The following ARRDC2 variants were observed in gnomAD, a reference collection of about 807,000 sequenced individuals.
The protein encoded by ARRDC2 is arrestin domain containing 2, also known as arrestin domain-containing protein 2.
Under a neutral mutation model 38.9 loss-of-function variants are expected in ARRDC2, and 39 were observed. That is an observed-to-expected ratio of 1.00 (90% CI 0.78 to 1.31). ARRDC2 has a LOEUF of 1.31. Among genes scored for constraint, ARRDC2 ranks in the 50% most tolerant of loss-of-function variants. ARRDC2 has a pLI of 0.00. For synonymous variants in ARRDC2, 300 were observed against 261.9 expected, an observed-to-expected ratio of 1.15 and a Z score of -1.41; for missense variants, 553 against 588.4, an observed-to-expected ratio of 0.94 and a Z score of 0.62.
chr19:18,008,126 C>CCCCCCCCCCCCCCCCAAAAAAAA, upstream of ARRDC2: 1 of 907,748 alleles, frequency 1.1e-6, no homozygotes, highest in Non-Finnish European at 1.5e-6. Context: ...ACCCCACCCC[C>CCCCCCCCCCCCCCCCAAAAAAAA]CCCCGCCCTG....
upstream of ARRDC2, chr19:18,008,116 A>ACCCC (rs543143665): frequency 2.9e-4 from 152 of 523,176 alleles, 1 homozygote; most frequent in Middle Eastern, 1.4e-3. Context: ...AGAGACGGTG[A>ACCCC]CCCCACCCCC....
upstream of ARRDC2, among the ~76,000 whole-genome samples, chr19:18,005,244 C>T (rs901233624): frequency 6.6e-6 from 1 of 151,972 alleles, no homozygotes; most frequent in African/African-American, 2.4e-5. Flanking sequence ...CATCTTGCAC[C>T]ACCCTTAATC....
At chr19:18,011,952 A>ATATATATTT (rs1408676551) in intron 7 of ARRDC2, among the ~76,000 whole-genome samples, 1 of 100,754 alleles carries the variant, frequency 9.9e-6, no homozygotes, top group Non-Finnish European at 1.8e-5. Flanking sequence ...ATATATATAT[A>ATATATATTT]TTTTTTTTTT....
At position 18,013,670 on chromosome 19, in the gene ARRDC2, AT is replaced by A. The variant is rs1258769051; in HGVS notation, c.*706del. The A allele has an allele frequency of 1.3e-5, 2 of 152,212 alleles. No homozygotes were observed. The highest frequency in any genetic ancestry group is 2.9e-5 in the Non-Finnish European group (2 of 68,082). The allele number at this position is 152,212 out of a possible 1,614,324, so 9.4% of individuals were successfully genotyped here. A position where few individuals can be genotyped will look rare whatever the true frequency, so the allele number is the denominator to read the frequency against. On this transcript the variant is annotated 3_prime_UTR_variant, in exon 8 of 8. Coordinates refer to ENST00000222250, the MANE Select transcript of ARRDC2 (RefSeq NM_015683.2). Reference sequence around the variant, plus strand: ...CCTTTGAAGACTTTGAAAGCCAGAGATTCCTGGCGCAGGCTTGGACTTCCTG... The same window carrying A: ...CCTTTGAAGACTTTGAAAGCCAGAGATCCTGGCGCAGGCTTGGACTTCCTG...
At chr19:18,002,742 C>G (rs550016205) in intron 1 of ARRDC2, among the ~76,000 whole-genome samples, 1 of 152,158 alleles carries the variant, frequency 6.6e-6, no homozygotes, top group Admixed American at 6.5e-5. Flanking sequence ...CCCGGCGACT[C>G]GGAGAACTCT....
intron 7 of ARRDC2, among the ~76,000 whole-genome samples, chr19:18,012,449 T>C (rs191180195): frequency 6.6e-6 from 1 of 152,006 alleles, no homozygotes; most frequent in African/African-American, 2.4e-5. Flanking sequence ...TAGCTGGGTG[T>C]GGTGGCATCC....
exon 1 of ARRDC2, chr19:18,001,211 T>TG: frequency 9.2e-7 from 1 of 1,085,258 alleles, no homozygotes; most frequent in Non-Finnish European, 1.1e-6. Flanking sequence ...GGAGGAAGCT[T>TG]GGGGGACGCG....
At chr19:18,005,959 C>G (rs1322210769), upstream of ARRDC2, among the ~76,000 whole-genome samples, 1 of 150,474 alleles carries the variant, frequency 6.6e-6, no homozygotes, top group Admixed American at 6.6e-5. Context: ...GGGTCGCGGC[C>G]GGGCCGAGGC....
chr19:18,008,775 C>A lies in ARRDC2; in HGVS notation c.339C>A (p.Pro113=). 2 of 1,613,398 alleles carry A rather than the reference C, an allele frequency of 1.2e-6. No homozygotes were observed. The highest frequency in any genetic ancestry group is 1.7e-6 in the Non-Finnish European group (2 of 1,179,994). ...AGTTCCTGTTCAGCTTCCAGCTGCCCCCGTAAGTCCTCTGGGGTGCAGGGT... is the reference window on the plus strand; with the variant it reads ...AGTTCCTGTTCAGCTTCCAGCTGCCACCGTAAGTCCTCTGGGGTGCAGGGT... The part of the protein sequence containing the change: ...RHEFLFSFQL[P]PTLVTSFEGK... Residue 113 remains proline, a splice_region_variant and synonymous_variant, in exon 2 of 8, where the codon CCC becomes CCA. Coordinates refer to ENST00000222250, the MANE Select transcript of ARRDC2 (RefSeq NM_015683.2).
At position 18,008,526 on chromosome 19, in the gene ARRDC2, G is replaced by A; in HGVS notation, c.216G>A (p.Thr72=). 1 of 1,546,246 alleles carries A rather than the reference G, an allele frequency of 6.5e-7. No individual in the cohort carries two copies. The highest frequency in any genetic ancestry group is 1.2e-5 in the South Asian group (1 of 86,282). Reference sequence around the variant, plus strand: ...GCGCGGGCTCGAGCACGGCTTACACGCAGAGCTACAGTGAACGCGTGGAGG... The same window carrying A: ...GCGCGGGCTCGAGCACGGCTTACACACAGAGCTACAGTGAACGCGTGGAGG... ...SRSAGSSTAY[T]QSYSERVEVV... Residue 72 remains threonine (T), a synonymous_variant, in exon 1 of 8, where the codon ACG becomes ACA. Coordinates refer to ENST00000222250, the MANE Select transcript of ARRDC2 (RefSeq NM_015683.2).
chr19:18,012,297 C>A (rs894746605), intron 7 of ARRDC2, among the ~76,000 whole-genome samples: 3 of 151,626 alleles, frequency 2.0e-5, no homozygotes, highest in Admixed American at 6.6e-5. Flanking sequence ...ATTTAAAGTA[C>A]ACGGGAGGGC....
chr19:18,003,431 T>C (rs912416061), upstream of ARRDC2, among the ~76,000 whole-genome samples: 2 of 139,886 alleles, frequency 1.4e-5, no homozygotes, highest in African/African-American at 6.5e-5. Context: ...CACACCCGGC[T>C]AACTTTTTGT....
chr19:18,008,319 C>T lies in ARRDC2; in HGVS notation c.9C>T (p.Phe3=). 1 of 1,595,582 alleles carries T rather than the reference C, an allele frequency of 6.3e-7. No homozygotes were observed. Residue 3 remains phenylalanine (F), a synonymous_variant, in exon 1 of 8, where the codon TTC becomes TTT. Transcript: ENST00000222250. ML[F]DKVKAFSVQL... ...TTCGCACCCCGGACGCGATGCTATT[C>T]GACAAGGTGAAAGCGTTCTCGGTGC...
chr19:18,001,434 G>C (rs1256203130), exon 1 of ARRDC2: 6 of 1,241,356 alleles, frequency 4.8e-6, no homozygotes, highest in Non-Finnish European at 6.0e-6. Flanking sequence ...CGCCGCTGCG[G>C]GTGCGAGCGC....
exon 1 of ARRDC2, chr19:18,001,311 CG>C: frequency 8.4e-7 from 1 of 1,197,376 alleles, no homozygotes. Flanking sequence ...CCCAGCCGCG[CG>C]CCATGCGCTC....
Position 18,010,661 on chromosome 19 carries a change from A to G in ARRDC2, c.1102A>G (p.Ser368Gly), listed in dbSNP as rs1172408035. Reference protein sequence around the residue: ...PFPLPQDPDMSLEGPFFAYIQ... With the variant: ...PFPLPQDPDMGLEGPFFAYIQ... ...CCCGCTTCCGCAGGACCCCGACATG[A>G]GCCTTGAAGGCCCGTTCTTCGCCTA... The change falls in exon 7 of 8, where the codon AGC becomes GGC. Residue 368 changes from serine (S) to glycine (G), a missense_variant. Around this residue, in one of 3 missense-constraint regions of ARRDC2, gnomAD observed 100 missense variants for 107.6 expected, o/e 0.93. Transcript: ENST00000222250. 1 of 1,613,770 alleles carries G rather than the reference A, an allele frequency of 6.2e-7. No homozygotes were observed. The highest frequency in any genetic ancestry group is 8.5e-7 in the Non-Finnish European group (1 of 1,179,996).
Position 18,008,516 on chromosome 19 carries a change from C to T in ARRDC2, c.206C>T (p.Thr69Met). ...GAGTCGCGCAGCGCGGGCTCGAGCA[C>T]GGCTTACACGCAGAGCTACAGTGAA... is the stretch of plus-strand genomic sequence containing the variant. ...WTESRSAGSS[T>M]AYTQSYSERV... Residue 69 changes from threonine to methionine, a missense_variant, in exon 1 of 8, where the codon ACG becomes ATG. Physicochemically the swap from Thr to Met is moderately conservative, Grantham distance 81. Around this residue, in one of 3 missense-constraint regions of ARRDC2, gnomAD observed 447 missense variants for 456.6 expected, o/e 0.98. Coordinates refer to ENST00000222250, the MANE Select transcript of ARRDC2 (RefSeq NM_015683.2). 6.5e-7 allele frequency: 1 copy of T among 1,538,096 alleles called. No individual in the cohort carries two copies. The highest frequency in any genetic ancestry group is 8.7e-7 in the Non-Finnish European group (1 of 1,149,372).
At chr19:18,006,246 A>G (rs937548607), upstream of ARRDC2, among the ~76,000 whole-genome samples, 2 of 152,054 alleles carry the variant, frequency 1.3e-5, no homozygotes, top group Middle Eastern at 3.4e-3. Context: ...AGAGGCTGCA[A>G]TCTCGGCACT....
At chr19:18,008,128 C>CCCCCCCCCCCCCCAAAAAAAACA, upstream of ARRDC2, 1 of 1,037,534 alleles carries the variant, frequency 9.6e-7, no homozygotes, top group Non-Finnish European at 1.3e-6. Context: ...CCCACCCCCC[C>CCCCCCCCCCCCCCAAAAAAAACA]CCGCCCTGCC....
Sources: allele counts gnomAD v4.1 joint callset (sites outside exome capture counted in the v4.1 genomes callset), GRCh38; gene constraint gnomAD v4.1.1; regional missense constraint gnomAD v4.1.1; transcripts MANE v1.5; gene names NCBI Gene and HGNC (gene_info 2026-07-23, HGNC 2026-07-21).